The following ZNF804A variants were observed in gnomAD, a reference collection of about 807,000 sequenced individuals.
The protein encoded by ZNF804A is zinc finger protein 804A.
In ZNF804A, 2 loss-of-function variants were observed where a neutral mutation model predicts 16.5. That is an observed-to-expected ratio of 0.12 (90% CI 0.05 to 0.38). ZNF804A has a LOEUF of 0.38. ZNF804A is among the 10% of genes least tolerant of loss of function. The probability of loss-of-function intolerance (pLI) is 0.99; values close to 1 mark genes in which losing one functional copy is unlikely to be tolerated. For missense variants in ZNF804A, 1,473 were observed against 1,390.7 expected (o/e 1.06, Z -0.94); for synonymous variants, 534 against 489.6 (o/e 1.09, Z -1.20).
chr2:184,747,634 A>G (rs1006550459), intron 1 of ZNF804A, among the ~76,000 whole-genome samples: 4 of 151,260 alleles, frequency 2.6e-5, no homozygotes, highest in African/African-American at 9.7e-5. Flanking sequence ...ATATCAGGTA[A>G]TGTTTGCCAC....
intron 1 of ZNF804A, among the ~76,000 whole-genome samples, chr2:184,778,612 T>TC (rs756706175): frequency 1.3e-5 from 2 of 151,544 alleles, no homozygotes; most frequent in African/African-American, 2.4e-5. Context: ...ATAGCTAGGG[T>TC]CCCTACACAG....
intron 1 of ZNF804A, among the ~76,000 whole-genome samples, chr2:184,777,113 C>T (rs1291326882): frequency 6.6e-6 from 1 of 151,220 alleles, no homozygotes; most frequent in Non-Finnish European, 1.5e-5. Context: ...TGTTTTTGTC[C>T]CAATTGTAGC....
At chr2:184,659,378 G>A (rs1692130185) in intron 1 of ZNF804A, among the ~76,000 whole-genome samples, 1 of 152,032 alleles carries the variant, frequency 6.6e-6, no homozygotes, top group South Asian at 2.1e-4. Context: ...TTATCAAGCA[G>A]CTATTACATG....
At chr2:184,633,015 T>C (rs1401121641) in intron 1 of ZNF804A, among the ~76,000 whole-genome samples, 1 of 152,178 alleles carries the variant, frequency 6.6e-6, no homozygotes, top group African/African-American at 2.4e-5. Flanking sequence ...GCTTCGGCTT[T>C]GCTTACCAAA....
chr2:184,627,080 A>G (rs1229874465), intron 1 of ZNF804A, among the ~76,000 whole-genome samples: 48 of 152,210 alleles, frequency 3.2e-4, no homozygotes, highest in Admixed American at 3.1e-3. Context: ...ACAGTGAAAC[A>G]AAATACATGT....
intron 2 of ZNF804A, among the ~76,000 whole-genome samples, chr2:184,891,154 C>A (rs1416724655): frequency 6.6e-6 from 1 of 152,152 alleles, no homozygotes; most frequent in African/African-American, 2.4e-5. Flanking sequence ...ATTTACCTTT[C>A]TTTAATGCCA....
chr2:184,796,565 A>T (rs1295638328), intron 1 of ZNF804A, among the ~76,000 whole-genome samples: 2 of 151,054 alleles, frequency 1.3e-5, no homozygotes, highest in African/African-American at 4.8e-5. Context: ...AGTGTCAAAG[A>T]ACAAACTTTT....
intron 1 of ZNF804A, among the ~76,000 whole-genome samples, chr2:184,792,001 C>T (rs1694551677): frequency 6.6e-6 from 1 of 152,162 alleles, no homozygotes; most frequent in South Asian, 2.1e-4. Flanking sequence ...CACTTGATAA[C>T]TCATTTCCTC....
At chr2:184,646,850 A>G (rs34934597) in intron 1 of ZNF804A, among the ~76,000 whole-genome samples, 23,745 of 152,238 alleles carry the variant, frequency 0.16, 2,086 homozygotes, top group Middle Eastern at 0.24. Context: ...TCCTCCTGCC[A>G]TCAGAGGACC....
At chr2:184,610,062 A>G (rs72897737) in intron 1 of ZNF804A, among the ~76,000 whole-genome samples, 16,548 of 152,108 alleles carry the variant, frequency 0.11, 1,169 homozygotes, top group Non-Finnish European at 0.16. Context: ...TGATAGATTA[A>G]TGGTCTATCT....
intron 1 of ZNF804A, among the ~76,000 whole-genome samples, chr2:184,813,815 A>G (rs1383184801): frequency 6.6e-6 from 1 of 151,824 alleles, no homozygotes; most frequent in African/African-American, 2.4e-5. Flanking sequence ...TTCACCAAAC[A>G]TACCTTGTTC....
intron 1 of ZNF804A, among the ~76,000 whole-genome samples, chr2:184,816,775 T>C (rs1694989378): frequency 1.3e-5 from 2 of 151,952 alleles, no homozygotes; most frequent in African/African-American, 4.8e-5. Context: ...GCTGCTGTTG[T>C]TGTTTTACCT....
intron 1 of ZNF804A, among the ~76,000 whole-genome samples, chr2:184,845,446 T>G (rs1240878992): frequency 5.3e-5 from 8 of 152,110 alleles, no homozygotes; most frequent in Admixed American, 2.0e-4. Flanking sequence ...TTTATTCCAT[T>G]TTTGGCTACA....
intron 1 of ZNF804A, among the ~76,000 whole-genome samples, chr2:184,737,232 T>G (rs1693637791): frequency 6.6e-6 from 1 of 151,810 alleles, no homozygotes; most frequent in Non-Finnish European, 1.5e-5. Context: ...AATTTTTTTC[T>G]ATTTTTTTTT....
At chr2:184,658,336 C>T (rs1418317725) in intron 1 of ZNF804A, among the ~76,000 whole-genome samples, 3 of 151,972 alleles carry the variant, frequency 2.0e-5, no homozygotes, top group African/African-American at 4.8e-5. Context: ...ATTAGCTGGG[C>T]GTGGTGGCAG....
chr2:184,812,784 G>T (rs1694921915), intron 1 of ZNF804A, among the ~76,000 whole-genome samples: 1 of 152,048 alleles, frequency 6.6e-6, no homozygotes, highest in Admixed American at 6.6e-5. Context: ...ACTGTATTTG[G>T]AGTTATTTTC....
Position 184,748,573 on chromosome 2 carries a change from A to C in ZNF804A, c.112-117796A>C, listed in dbSNP as rs150443178. ...TTGTCAATATTTTCTCCCACCCTAC[A>C]GATTGTCTCTTTATTCCACTGATAG... On this transcript the variant is annotated intron_variant, in intron 1 of 3. Coordinates refer to ENST00000302277, the MANE Select transcript of ZNF804A (RefSeq NM_194250.2). Among the ~76,000 whole-genome samples the C allele has an allele frequency of 2.0e-3, 303 of 151,492 alleles. 1 individual carries two copies. The highest frequency in any genetic ancestry group is 3.8e-3 in the Non-Finnish European group (259 of 67,580).
rs1691850571 is a variant in ZNF804A at position 184,645,047 on chromosome 2, CTT to C, written c.111+45980_111+45981del. Reference sequence around the variant, plus strand: ...ATTGTGAGAGGATAATTCCTAGACACTTTTGATTCATCAAAGTTATTTGTGTA... The same window carrying C: ...ATTGTGAGAGGATAATTCCTAGACACTTGATTCATCAAAGTTATTTGTGTA... On this transcript the variant is annotated intron_variant, in intron 1 of 3. Coordinates refer to ENST00000302277, the MANE Select transcript of ZNF804A (RefSeq NM_194250.2). Among the ~76,000 whole-genome samples the C allele has an allele frequency of 3.9e-5, 6 of 152,002 alleles. 1 individual carries two copies. The highest frequency in any genetic ancestry group is 3.9e-4 in the Admixed American group (6 of 15,272).
chr2:184,864,799 T>G (rs1458817410), intron 1 of ZNF804A, among the ~76,000 whole-genome samples: 3 of 151,908 alleles, frequency 2.0e-5, no homozygotes, highest in African/African-American at 7.3e-5. Context: ...TATAGAGGAC[T>G]ACATTTTATT....
Sources: allele counts gnomAD v4.1 joint callset (sites outside exome capture counted in the v4.1 genomes callset), GRCh38; gene constraint gnomAD v4.1.1; transcripts MANE v1.5; gene names NCBI Gene and HGNC (gene_info 2026-07-23, HGNC 2026-07-21).